The following ZNF124 variants were observed in gnomAD, a reference collection of about 807,000 sequenced individuals.
ZNF124 encodes the protein zinc finger protein 124.
Under a neutral mutation model 26.6 loss-of-function variants are expected in ZNF124, and 25 were observed. The observed-to-expected ratio is 0.94, with a 90% confidence interval of 0.68 to 1.31. ZNF124 has a LOEUF of 1.31. ZNF124 is among the 40% of genes most tolerant of loss of function. The probability of loss-of-function intolerance (pLI) is 0.00; values close to 1 mark genes in which losing one functional copy is unlikely to be tolerated. For missense variants in ZNF124, 444 were observed against 422.2 expected (o/e 1.05, Z -0.45); for synonymous variants, 129 against 133.3 (o/e 0.97, Z 0.22).
In ZNF124 at chr1:247,156,258, A is replaced by T. The variant is rs1673124814; in HGVS notation, c.*308T>A. 2 of 1,065,736 alleles carry T rather than the reference A, an allele frequency of 1.9e-6. No homozygotes were observed. Among genetic ancestry groups the T allele is most frequent in the Non-Finnish European group, 2.3e-6 (2 of 883,784 alleles). The allele number at this position is 1,065,736 out of a possible 1,614,324, so 66.0% of individuals were successfully genotyped here. On this transcript the variant is annotated 3_prime_UTR_variant, in exon 4 of 4. Transcript: ENST00000543802. ...GCATTCTCACATTCGATACCTTCAT[A>T]AAGTTTTTCTCTAGAATGAGTTATG...
intron 3 of ZNF124, among the ~76,000 whole-genome samples, chr1:247,139,093 A>G (rs1372607738): frequency 1.3e-5 from 2 of 152,148 alleles, no homozygotes; most frequent in African/African-American, 4.8e-5. Flanking sequence ...ATGTTAATTG[A>G]TGTCTCATGT....
At chr1:247,128,889 G>A (rs1319381648) in intron 3 of ZNF124, among the ~76,000 whole-genome samples, 1 of 144,980 alleles carries the variant, frequency 6.9e-6, no homozygotes, top group African/African-American at 2.6e-5. Flanking sequence ...AGCAGGATGG[G>A]GTGGGAGGAT....
At chr1:247,132,480 TA>T (rs1470226316) in intron 3 of ZNF124, among the ~76,000 whole-genome samples, 1 of 152,106 alleles carries the variant, frequency 6.6e-6, no homozygotes, top group Admixed American at 6.5e-5. Context: ...AGATGGCTAA[TA>T]AAAAACTACA....
At position 247,155,292 on chromosome 1, in the gene ZNF124, TTAAAC is replaced by T. The variant is rs946375195; in HGVS notation, c.*1269_*1273del. On this transcript the variant is annotated 3_prime_UTR_variant, in exon 4 of 4. Transcript: ENST00000543802. ...CAATGGCCAATTAATAACAAAATAA[TTAAAC>T]TACACAGAAGTTAAACCTACAAATA... Among the ~76,000 whole-genome samples the T allele has an allele frequency of 2.0e-5, 3 of 152,042 alleles. No individual in the cohort carries two copies. Among genetic ancestry groups the T allele is most frequent in the African/African-American group, 4.8e-5 (2 of 41,410 alleles).
At chr1:247,144,493 A>G (rs991278003) in intron 3 of ZNF124, among the ~76,000 whole-genome samples, 2 of 151,612 alleles carry the variant, frequency 1.3e-5, no homozygotes, top group East Asian at 3.9e-4. Flanking sequence ...AAAGCTTGCT[A>G]CCGAGCCCCT....
intron 3 of ZNF124, among the ~76,000 whole-genome samples, chr1:247,135,166 C>T (rs950447216): frequency 2.6e-5 from 4 of 151,818 alleles, no homozygotes; most frequent in Admixed American, 2.0e-4. Context: ...CAAACTATTC[C>T]AAAAGCTAGC....
At chr1:247,151,596 G>A (rs1303967894), downstream of ZNF124, among the ~76,000 whole-genome samples, 1 of 152,050 alleles carries the variant, frequency 6.6e-6, no homozygotes, top group Non-Finnish European at 1.5e-5. Context: ...TGGAAAACTG[G>A]TAATATCACC....
At chr1:247,148,709 C>A (rs1223176220) in intron 3 of ZNF124, among the ~76,000 whole-genome samples, 1 of 151,834 alleles carries the variant, frequency 6.6e-6, no homozygotes, top group Admixed American at 6.6e-5. Context: ...GCCTGTAATC[C>A]CAGCACTTTT....
chr1:247,132,093 C>T (rs1261260524), intron 3 of ZNF124, among the ~76,000 whole-genome samples: 1 of 152,188 alleles, frequency 6.6e-6, no homozygotes, highest in African/African-American at 2.4e-5. Context: ...CTTTGCTCTT[C>T]TCTAGCCTCC....
rs1673118677 is a variant in ZNF124, at chr1:247,156,150, C to T, written c.*416G>A. ...TTTTCTGTATTTCTAGGATTTCAAT[C>T]TGGTGGGCATTCTTTTATTTATAAG... On this transcript the variant is annotated 3_prime_UTR_variant, in exon 4 of 4. Transcript: ENST00000543802. 1.0e-6 allele frequency: 1 copy of T among 989,204 alleles called. No individual in the cohort carries two copies. The highest frequency in any genetic ancestry group is 6.1e-5 in the Admixed American group (1 of 16,366). The allele number at this position is 989,204 out of a possible 1,614,324, so 61.3% of individuals were successfully genotyped here.
exon 4 of ZNF124, chr1:247,122,573 C>T (rs1327266718): frequency 6.6e-6 from 1 of 152,108 alleles, no homozygotes; most frequent in East Asian, 1.9e-4. Flanking sequence ...TGAGGTCTCC[C>T]TATGTGTCCT....
chr1:247,157,124 A>C lies in ZNF124; in HGVS notation c.498T>G (p.Asn166Lys). 6.2e-7 allele frequency: 1 copy of C among 1,614,030 alleles called. No homozygotes were observed. Among genetic ancestry groups the C allele is most frequent in the South Asian group, 1.1e-5 (1 of 91,064 alleles). Residue 166 changes from asparagine (N) to lysine (K), a missense_variant, in exon 4 of 4, where the codon AAT becomes AAG. Coordinates refer to ENST00000543802, the MANE Select transcript of ZNF124 (RefSeq NM_001297568.2). ...CTCCAGTGTGAATCCTTTTATGTCT[A>C]TTAAGAGAACGGGAAAAACCTAAGG... ...GKALGFSRSL[N>K]RHKRIHTGEK... is the part of the protein sequence containing the mutation.
chr1:247,138,711 CTT>C, intron 3 of ZNF124: 2 of 398,628 alleles, frequency 5.0e-6, no homozygotes, highest in Non-Finnish European at 4.4e-6. Context: ...AGACCCAAAA[CTT>C]ACTAGAGTAG....
In ZNF124 at chr1:247,156,790, G is replaced by C. The variant is rs763336287; in HGVS notation, c.832C>G (p.Gln278Glu). ...GKAFRYASSL[Q>E]KHEKTHIAQK... ...GCAATATGAGTTTTCTCGTGTTTCT[G>C]AAGGGAACTGGCGTATCTGAAGGCT... The change falls in exon 4 of 4, where the codon CAG becomes GAG. Residue 278 changes from glutamine to glutamate, a missense_variant. Physicochemically the swap from Gln to Glu is conservative, Grantham distance 29. Transcript: ENST00000543802. 2 of 1,613,380 alleles carry C rather than the reference G, an allele frequency of 1.2e-6. No homozygotes were observed. The highest frequency in any genetic ancestry group is 1.3e-5 in the African/African-American group (1 of 74,814).
intron 3 of ZNF124, chr1:247,138,538 TA>T: frequency 5.4e-6 from 2 of 373,578 alleles, no homozygotes; most frequent in Non-Finnish European, 9.5e-6. Context: ...GGCACATGTA[TA>T]CCCATGTAAC....
chr1:247,158,589 T>TC (rs1673287111), intron 3 of ZNF124, among the ~76,000 whole-genome samples: 1 of 152,154 alleles, frequency 6.6e-6, no homozygotes, highest in African/African-American at 2.4e-5. Context: ...GTAAAAACTT[T>TC]GAGAATAAAT....
chr1:247,144,350 A>G (rs925892295), intron 3 of ZNF124, among the ~76,000 whole-genome samples: 2 of 152,216 alleles, frequency 1.3e-5, no homozygotes, highest in South Asian at 2.1e-4. Flanking sequence ...AAATGTTTAC[A>G]TAAAACTCAA....
intron 1 of ZNF124, among the ~76,000 whole-genome samples, chr1:247,169,802 G>T (rs1271392815): frequency 9.3e-6 from 1 of 106,970 alleles, no homozygotes; most frequent in Non-Finnish European, 2.0e-5. Context: ...GATAACGGGG[G>T]TAAGAGAAGA....
intron 3 of ZNF124, among the ~76,000 whole-genome samples, chr1:247,134,679 C>G (rs1461204862): frequency 6.6e-6 from 1 of 152,158 alleles, no homozygotes; most frequent in Non-Finnish European, 1.5e-5. Flanking sequence ...ACCCCACTGT[C>G]AGTATTAGAT....
Sources: gnomAD v4.1 joint callset for allele counts (sites outside exome capture counted in the v4.1 genomes callset) on GRCh38, gnomAD v4.1.1 for gene constraint, MANE v1.5 for transcripts, NCBI Gene and HGNC (gene_info 2026-07-23, HGNC 2026-07-21) for gene names.